The following ANTXR1 variants were observed in gnomAD, a reference collection of about 807,000 sequenced individuals.
ANTXR1 encodes anthrax toxin receptor 1.
A neutral mutation model predicts 78.1 loss-of-function variants in ANTXR1; 19 were observed. That is an observed-to-expected ratio of 0.24 (90% CI 0.17 to 0.36). The LOEUF is 0.36. ANTXR1 is among the 10% of genes least tolerant of loss of function. The probability of loss-of-function intolerance (pLI) is 1.00; values close to 1 mark genes in which losing one functional copy is unlikely to be tolerated. For missense variants in ANTXR1, 518 were observed against 718.6 expected, an observed-to-expected ratio of 0.72 and a Z score of 3.19; for synonymous variants, 273 against 260.5, an observed-to-expected ratio of 1.05 and a Z score of -0.46.
intron 1 of ANTXR1, among the ~76,000 whole-genome samples, chr2:69,031,430 T>G (rs541516518): frequency 9.8e-5 from 15 of 152,346 alleles, no homozygotes; most frequent in South Asian, 4.2e-4. Flanking sequence ...TTATGGCTTA[T>G]AGTTAAATAC....
At chr2:69,129,995 G>C (rs1322404307) in intron 12 of ANTXR1, among the ~76,000 whole-genome samples, 1 of 152,182 alleles carries the variant, frequency 6.6e-6, no homozygotes, top group Non-Finnish European at 1.5e-5. Context: ...AGCATAGTTT[G>C]TTCATGGGCT....
intron 10 of ANTXR1, among the ~76,000 whole-genome samples, chr2:69,105,743 C>CT (rs1411484068): frequency 6.6e-6 from 1 of 152,044 alleles, no homozygotes; most frequent in African/African-American, 2.4e-5. Context: ...TCACATATTT[C>CT]TTTTTTCAAG....
chr2:69,195,472 T>C (rs1007505716), intron 17 of ANTXR1, among the ~76,000 whole-genome samples: 6 of 152,214 alleles, frequency 3.9e-5, no homozygotes, highest in Non-Finnish European at 8.8e-5. Context: ...CACTGCCCAA[T>C]TAGCTGTTCT....
intron 12 of ANTXR1, among the ~76,000 whole-genome samples, chr2:69,149,050 C>A (rs1183862118): frequency 6.6e-6 from 1 of 152,244 alleles, no homozygotes; most frequent in African/African-American, 2.4e-5. Context: ...ATCAAAAACT[C>A]ATGCCCTTCA....
chr2:69,204,217 G>A (rs1047494716), intron 17 of ANTXR1, among the ~76,000 whole-genome samples: 1 of 152,196 alleles, frequency 6.6e-6, no homozygotes, highest in Non-Finnish European at 1.5e-5. Flanking sequence ...CTGGTGGGAA[G>A]TTCTGTTCTG....
chr2:69,199,298 T>C (rs1674722389), intron 17 of ANTXR1, among the ~76,000 whole-genome samples: 1 of 152,192 alleles, frequency 6.6e-6, no homozygotes, highest in Admixed American at 6.5e-5. Flanking sequence ...ATGCTGCTGG[T>C]CTGGGGATTA....
intron 12 of ANTXR1, chr2:69,145,447 G>A (rs1261592164): frequency 7.8e-6 from 12 of 1,544,870 alleles, no homozygotes; most frequent in African/African-American, 6.9e-5. Context: ...AAACATGCTC[G>A]GTTTACACTT....
intron 9 of ANTXR1, among the ~76,000 whole-genome samples, chr2:69,098,962 G>C (rs1671519245): frequency 7.2e-6 from 1 of 139,508 alleles, no homozygotes; most frequent in African/African-American, 2.7e-5. Context: ...CTCCAGCCTA[G>C]GTGATAGAGT....
chr2:69,146,674 G>A (rs1673235903), intron 12 of ANTXR1, among the ~76,000 whole-genome samples: 1 of 152,248 alleles, frequency 6.6e-6, no homozygotes, highest in Non-Finnish European at 1.5e-5. Flanking sequence ...TGGACTCTCA[G>A]AAGGATCATG....
chr2:69,110,005 T>C (rs1671929231), intron 10 of ANTXR1, among the ~76,000 whole-genome samples: 1 of 152,104 alleles, frequency 6.6e-6, no homozygotes, highest in Non-Finnish European at 1.5e-5. Context: ...GTAAAAGATA[T>C]GCAAAGGAAA....
At chr2:69,218,643 T>C (rs142261000) in intron 17 of ANTXR1, among the ~76,000 whole-genome samples, 1 of 152,314 alleles carries the variant, frequency 6.6e-6, no homozygotes, top group Non-Finnish European at 1.5e-5. Context: ...TAGGTGAAAC[T>C]GGGCTGTTCT....
intron 13 of ANTXR1, among the ~76,000 whole-genome samples, chr2:69,161,873 C>T (rs1673691825): frequency 6.6e-6 from 1 of 152,140 alleles, no homozygotes; most frequent in South Asian, 2.1e-4. Context: ...AGGGGGGCAG[C>T]AGTTGAGCCG....
chr2:69,138,994 A>G lies in ANTXR1; in HGVS notation c.952-13175A>G, dbSNP rs138815778. ...AAACTCAGCCAAAGTAAATATCTACAAAATGCTCCTTATGATGGAGCTTGA... is the reference window on the plus strand; with the variant it reads ...AAACTCAGCCAAAGTAAATATCTACGAAATGCTCCTTATGATGGAGCTTGA... On this transcript the variant is annotated intron_variant, in intron 12 of 17. Coordinates refer to ENST00000303714, the MANE Select transcript of ANTXR1 (RefSeq NM_032208.3). Among the ~76,000 whole-genome samples, 4 of 152,354 alleles carry G rather than the reference A, an allele frequency of 2.6e-5. No individual in the cohort carries two copies. The East Asian group carries it at 7.7e-4, about 29-fold the overall frequency.
intron 10 of ANTXR1, among the ~76,000 whole-genome samples, chr2:69,116,807 A>G (rs1327331705): frequency 1.3e-5 from 2 of 152,224 alleles, no homozygotes; most frequent in Non-Finnish European, 1.5e-5. Context: ...ACAAGAAAAG[A>G]TTGCCAAGAC....
chr2:69,125,363 G>C (rs747828064), intron 12 of ANTXR1, among the ~76,000 whole-genome samples: 6 of 152,188 alleles, frequency 3.9e-5, no homozygotes, highest in Non-Finnish European at 1.5e-5. Context: ...CCGCATTCGA[G>C]ACTGACTGAA....
At chr2:69,190,523 T>C (rs1674521679) in intron 16 of ANTXR1, among the ~76,000 whole-genome samples, 1 of 152,254 alleles carries the variant, frequency 6.6e-6, no homozygotes, top group African/African-American at 2.4e-5. Context: ...GAATACCTTT[T>C]ATGAGGCAAG....
intron 16 of ANTXR1, among the ~76,000 whole-genome samples, chr2:69,187,226 C>T (rs1674439339): frequency 6.6e-6 from 1 of 152,130 alleles, no homozygotes; most frequent in Non-Finnish European, 1.5e-5. Flanking sequence ...CCAACCACAC[C>T]AACCACACTT....
intron 17 of ANTXR1, among the ~76,000 whole-genome samples, chr2:69,194,343 C>G (rs991923670): frequency 1.3e-5 from 2 of 152,122 alleles, no homozygotes; most frequent in African/African-American, 2.4e-5. Context: ...CACATTAATC[C>G]AAAAACAAAA....
At chr2:69,211,080 G>A (rs943147421) in intron 17 of ANTXR1, among the ~76,000 whole-genome samples, 7 of 152,166 alleles carry the variant, frequency 4.6e-5, no homozygotes, top group African/African-American at 1.7e-4. Flanking sequence ...CTACAGAGAG[G>A]AGGTGTTACC....
Sources: gnomAD v4.1 joint callset for allele counts (sites outside exome capture counted in the v4.1 genomes callset) on GRCh38, gnomAD v4.1.1 for gene constraint, MANE v1.5 for transcripts, NCBI Gene and HGNC (gene_info 2026-07-23, HGNC 2026-07-21) for gene names.